The following BCAS3 variants were observed in gnomAD, a reference collection of about 807,000 sequenced individuals.
BCAS3 encodes the protein BCAS3 microtubule associated cell migration factor, also known as BCAS4/BCAS3 fusion.
In BCAS3, 53 loss-of-function variants were observed where a neutral mutation model predicts 116.1. The observed-to-expected ratio is 0.46, with a 90% CI of 0.37 to 0.57. The LOEUF is 0.57. BCAS3 is among the 20% of genes least tolerant of loss of function. The pLI, the probability that BCAS3 is intolerant of heterozygous loss-of-function variation, is 0.00. For missense variants in BCAS3, 917 were observed against 1,165.4 expected (o/e 0.79, Z 3.10); for synonymous variants, 391 against 408.2 (o/e 0.96, Z 0.51).
intron 7 of BCAS3, among the ~76,000 whole-genome samples, chr17:60,814,294 T>C (rs1276150502): frequency 2.0e-4 from 25 of 122,130 alleles, no homozygotes; most frequent in African/African-American, 7.8e-4. Flanking sequence ...TGTGTGTGTG[T>C]GTGTGTGTGT....
intron 19 of BCAS3, among the ~76,000 whole-genome samples, chr17:61,046,350 T>C (rs1356422027): frequency 6.6e-6 from 1 of 150,514 alleles, no homozygotes; most frequent in Non-Finnish European, 1.5e-5. Flanking sequence ...ATTTCCCAAC[T>C]TGAAGACTTT....
intron 19 of BCAS3, among the ~76,000 whole-genome samples, chr17:61,052,455 G>T (rs1267404099): frequency 6.6e-6 from 1 of 152,056 alleles, no homozygotes; most frequent in African/African-American, 2.4e-5. Context: ...ACCATAGGCA[G>T]CACGACGTGT....
intron 22 of BCAS3, among the ~76,000 whole-genome samples, chr17:61,283,246 G>A (rs2051397348): frequency 6.6e-6 from 1 of 152,078 alleles, no homozygotes; most frequent in Admixed American, 6.5e-5. Context: ...ACTAGTCTTG[G>A]TTTGGAGGAC....
At chr17:61,319,274 T>C (rs980632876) in intron 22 of BCAS3, among the ~76,000 whole-genome samples, 12 of 152,190 alleles carry the variant, frequency 7.9e-5, no homozygotes, top group Non-Finnish European at 1.3e-4. Context: ...GAACTTGAAA[T>C]CCTCAGAGAG....
intron 7 of BCAS3, among the ~76,000 whole-genome samples, chr17:60,829,563 G>T (rs570605212): frequency 6.6e-6 from 1 of 152,092 alleles, no homozygotes; most frequent in South Asian, 2.1e-4. Context: ...GTTGTTGGTG[G>T]ATATTTGGAT....
intron 7 of BCAS3, among the ~76,000 whole-genome samples, chr17:60,843,381 C>G (rs2052163283): frequency 6.6e-6 from 1 of 151,760 alleles, no homozygotes; most frequent in Admixed American, 6.6e-5. Flanking sequence ...CACGCCTGAG[C>G]TAATTTTGGC....
chr17:61,057,452 T>C (rs1187562058), intron 19 of BCAS3, among the ~76,000 whole-genome samples: 1 of 152,230 alleles, frequency 6.6e-6, no homozygotes, highest in Non-Finnish European at 1.5e-5. Flanking sequence ...TTGACTTCCT[T>C]CACATTGTTA....
chr17:60,913,089 G>A (rs560423144), intron 12 of BCAS3, among the ~76,000 whole-genome samples: 3 of 152,128 alleles, frequency 2.0e-5, no homozygotes, highest in African/African-American at 7.2e-5. Context: ...GAAAAAGGAA[G>A]TCTTAATTTT....
rs1257505111 is a variant in BCAS3, at chr17:61,205,148, G to GA, written c.2425+120591dup. ...TATTATTTTTCTCATTTCTACCTATGAAAAAAAGGTTGAAACTGAAAGAAA... is the reference window on the plus strand; with the variant it reads ...TATTATTTTTCTCATTTCTACCTATGAAAAAAAAGGTTGAAACTGAAAGAAA... On this transcript the variant is annotated intron_variant, in intron 22 of 23. Transcript: ENST00000407086. The surrounding 1 kb of genome is among the most constrained non-coding windows in gnomAD (Gnocchi z 5.2). 1.3e-5 allele frequency among the ~76,000 whole-genome samples: 2 copies of GA among 151,320 alleles called. No individual in the cohort carries two copies. The highest frequency in any genetic ancestry group is 2.4e-5 in the African/African-American group (1 of 41,238).
chr17:61,353,323 C>G (rs567224099), intron 22 of BCAS3, among the ~76,000 whole-genome samples: 1 of 152,146 alleles, frequency 6.6e-6, no homozygotes, highest in Non-Finnish European at 1.5e-5. Context: ...CTGCAGCTTC[C>G]GTGCACACAG....
Position 61,364,808 on chromosome 17 carries a change from T to C in BCAS3, c.2426-3519T>C, listed in dbSNP as rs1275887875. On this transcript the variant is annotated intron_variant, in intron 22 of 23. Coordinates refer to ENST00000407086, the MANE Select transcript of BCAS3 (RefSeq NM_017679.5). The surrounding 1 kb of genome is among the most constrained non-coding windows in gnomAD (Gnocchi z 5.4). ...CTCCAAGCTAAGAATTAGAAACCCT[T>C]GTTCCAGATCTGTTGCTCAGAGACT... 6.6e-6 allele frequency among the ~76,000 whole-genome samples: 1 copy of C among 152,226 alleles called. No individual in the cohort carries two copies. The highest frequency in any genetic ancestry group is 1.5e-5 in the Non-Finnish European group (1 of 68,036).
chr17:60,762,779 T>G (rs1598528733), intron 6 of BCAS3, among the ~76,000 whole-genome samples: 1 of 152,318 alleles, frequency 6.6e-6, no homozygotes, highest in East Asian at 1.9e-4. Context: ...AATCTGTAAA[T>G]TACCTTGGTC....
chr17:61,070,410 AT>A (rs1301930511), intron 19 of BCAS3: 3 of 77,178 alleles, frequency 3.9e-5, no homozygotes, highest in East Asian at 3.3e-4. Flanking sequence ...TCTTTTCACC[AT>A]TTAAAAAAAA....
chr17:60,886,033 A>G (rs1259414184), intron 9 of BCAS3, among the ~76,000 whole-genome samples: 1 of 104,982 alleles, frequency 9.5e-6, no homozygotes, highest in Admixed American at 1.0e-4. Context: ...AATATCCTGC[A>G]GAGTGTTTTC....
chr17:61,207,840 G>T (rs1382407175), intron 22 of BCAS3, among the ~76,000 whole-genome samples: 3 of 152,036 alleles, frequency 2.0e-5, no homozygotes, highest in Admixed American at 6.6e-5. Flanking sequence ...AGAGAAATAA[G>T]GTACATATAT....
intron 22 of BCAS3, among the ~76,000 whole-genome samples, chr17:61,120,887 T>G (rs2075755795): frequency 1.3e-5 from 2 of 152,158 alleles, no homozygotes. Context: ...TTTTAATATG[T>G]AAGTTTATCC....
At chr17:60,819,562 G>T (rs1330848288) in intron 7 of BCAS3, among the ~76,000 whole-genome samples, 2 of 152,176 alleles carry the variant, frequency 1.3e-5, no homozygotes, top group Admixed American at 1.3e-4. Flanking sequence ...ATTTCTTACA[G>T]AATTGCTTTA....
Position 61,151,902 on chromosome 17 carries a change from A to G in BCAS3, c.2425+67338A>G, listed in dbSNP as rs1384794833. On this transcript the variant is annotated intron_variant, in intron 22 of 23. Transcript: ENST00000407086. This position sits in a 1 kb window ranked among gnomAD's most constrained non-coding sequence, Gnocchi z 4.8. ...GTTCCTAAAATGCACCAGACTTACT[A>G]TAAGAAGTATGGCAAGCACCAGCTC... Among the ~76,000 whole-genome samples, 1 of 152,176 alleles carries G rather than the reference A, an allele frequency of 6.6e-6. No individual in the cohort carries two copies. The highest frequency in any genetic ancestry group is 1.5e-5 in the Non-Finnish European group (1 of 68,032).
At position 60,842,018 on chromosome 17, in the gene BCAS3, C is replaced by G. The variant is rs544471662; in HGVS notation, c.477-26558C>G. Among the ~76,000 whole-genome samples the G allele has an allele frequency of 3.3e-5, 5 of 152,162 alleles. No individual in the cohort carries two copies. The East Asian group carries it at 9.7e-4, about 29-fold the overall frequency. ...TGTGGAGTTATAAGGGATATATGGA[C>G]TTTATGAAAATTTACCAAGGTGTAC... On this transcript the variant is annotated intron_variant, in intron 7 of 23. Transcript: ENST00000407086.
Sources: allele counts gnomAD v4.1 joint callset (sites outside exome capture counted in the v4.1 genomes callset), GRCh38; gene constraint gnomAD v4.1.1; non-coding constraint Gnocchi (gnomAD v3.1); transcripts MANE v1.5; gene names NCBI Gene and HGNC (gene_info 2026-07-23, HGNC 2026-07-21).